The following MORN1 variants were observed in gnomAD, a reference collection of about 807,000 sequenced individuals.
MORN1 encodes MORN repeat-containing protein 1.
MORN1 carries 67 observed loss-of-function variants against 61.9 expected under a neutral mutation model. That is an observed-to-expected ratio of 1.08 (90% CI 0.89 to 1.33). The LOEUF (loss-of-function observed/expected upper bound fraction) is 1.33, where lower values mean the gene tolerates loss of function less well. Among genes scored for constraint, MORN1 ranks in the 40% most tolerant of loss-of-function variants. The pLI is 0.00. For synonymous variants in MORN1, 301 were observed against 292.0 expected, an observed-to-expected ratio of 1.03 and a Z score of -0.31; for missense variants, 752 against 691.2, an observed-to-expected ratio of 1.09 and a Z score of -0.99.
chr1:2,344,256 A>T (rs34901910), intron 10 of MORN1, among the ~76,000 whole-genome samples: 29,677 of 151,970 alleles, frequency 0.2, 3,193 homozygotes, highest in Non-Finnish European at 0.25. Flanking sequence ...GGCCAGGCAC[A>T]AGGGGCTGGC....
chr1:2,379,634 C>A (rs533815275), intron 6 of MORN1, among the ~76,000 whole-genome samples: 1 of 152,122 alleles, frequency 6.6e-6, no homozygotes, highest in Non-Finnish European at 1.5e-5. Context: ...AGACCGGGTG[C>A]GCAGTGGTGG....
At chr1:2,347,974 C>T (rs1219023488) in intron 10 of MORN1, among the ~76,000 whole-genome samples, 5 of 152,336 alleles carry the variant, frequency 3.3e-5, no homozygotes, top group South Asian at 2.1e-4. Flanking sequence ...TTTCGCCTCA[C>T]GTAACCCAGC....
intron 10 of MORN1, among the ~76,000 whole-genome samples, chr1:2,338,874 G>A (rs941382307): frequency 1.3e-5 from 2 of 152,130 alleles, no homozygotes; most frequent in Non-Finnish European, 2.9e-5. Flanking sequence ...AAAGGCTGTC[G>A]TGACTGTCCC....
At chr1:2,364,550 A>C (rs545997634) in intron 8 of MORN1, among the ~76,000 whole-genome samples, 170 of 149,572 alleles carry the variant, frequency 1.1e-3, no homozygotes, top group African/African-American at 4.0e-3. Flanking sequence ...GCTGTGCAGA[A>C]GCTCTTTAGT....
chr1:2,348,776 C>G (rs566103457), intron 10 of MORN1, among the ~76,000 whole-genome samples: 3 of 143,928 alleles, frequency 2.1e-5, no homozygotes, highest in South Asian at 2.1e-4. Context: ...TGCGCAGGCA[C>G]GCACACACAC....
Position 2,388,595 on chromosome 1 carries a change from C to T in MORN1, c.149-258G>A, listed in dbSNP as rs1044629063. 73 of 440,022 alleles carry T rather than the reference C, an allele frequency of 1.7e-4. 1 individual carries two copies. The Admixed American group carries it at 2.3e-3, about 14-fold the overall frequency. 27.3% of individuals were successfully genotyped at this position (440,022 alleles called of 1,614,324 possible). A position where few individuals can be genotyped will look rare whatever the true frequency, so the allele number is the denominator to read the frequency against. ...GTGCAGGCAGCCAGCCTGAGCAACA[C>T]GGAGAGACCCCGTCTCTACACAAAA... On this transcript the variant is annotated intron_variant, in intron 2 of 13. Transcript: ENST00000378531.
At chr1:2,335,821 G>A (rs1028006457) in intron 12 of MORN1, among the ~76,000 whole-genome samples, 7 of 138,220 alleles carry the variant, frequency 5.1e-5, no homozygotes, top group Non-Finnish European at 8.8e-5. Flanking sequence ...GGGCCTCCTC[G>A]CCTCCATAGC....
At chr1:2,389,547 C>T (rs1291223497) in intron 2 of MORN1, among the ~76,000 whole-genome samples, 8 of 152,224 alleles carry the variant, frequency 5.3e-5, no homozygotes, top group Admixed American at 3.9e-4. Flanking sequence ...GGATTACAGG[C>T]GTGAGCCACT....
chr1:2,325,104 C>G (rs1640977026), intron 12 of MORN1, among the ~76,000 whole-genome samples: 1 of 121,590 alleles, frequency 8.2e-6, no homozygotes, highest in Admixed American at 7.9e-5. Context: ...TTTCTCTCCC[C>G]TTTCCTTCCC....
At position 2,374,443 on chromosome 1, in the gene MORN1, G is replaced by C. The variant is rs551696471; in HGVS notation, c.634+18C>G. ...ACAGTGGACCTCACAGTGCCCACAG[G>C]AAGGCAGGGACACCTACCTGCTGGG... On this transcript the variant is annotated intron_variant, in intron 7 of 13. Coordinates refer to ENST00000378531, the MANE Select transcript of MORN1 (RefSeq NM_024848.3). 6.4e-7 allele frequency: 1 copy of C among 1,564,866 alleles called. No individual in the cohort carries two copies. The highest frequency in any genetic ancestry group is 1.9e-5 in the Admixed American group (1 of 52,100).
chr1:2,327,025 G>C (rs1163264657), intron 12 of MORN1, among the ~76,000 whole-genome samples: 1 of 151,170 alleles, frequency 6.6e-6, no homozygotes, highest in Non-Finnish European at 1.5e-5. Flanking sequence ...CACACAGAAA[G>C]ACAGAAACGA....
In MORN1 at chr1:2,357,367, C is replaced by T; in HGVS notation, c.1036+65G>A. The T allele has an allele frequency of 3.9e-6, 6 of 1,520,088 alleles. No homozygotes were observed. The highest frequency in any genetic ancestry group is 1.8e-4 in the Middle Eastern group (1 of 5,502). The allele number at this position is 1,520,088 out of a possible 1,614,324, so 94.2% of individuals were successfully genotyped here. ...GCCTGGTTCTGGGTCCCCATGACCC[C>T]ACCCCCACCTTGACTGCTGGGCCTG... On this transcript the variant is annotated intron_variant, in intron 10 of 13. Transcript: ENST00000378531. The surrounding 1 kb of genome is among the most constrained non-coding windows in gnomAD (Gnocchi z 6.3).
chr1:2,352,448 G>C (rs1026445136), intron 10 of MORN1: 2 of 152,570 alleles, frequency 1.3e-5, no homozygotes, highest in Non-Finnish European at 2.9e-5. Context: ...AGTGTTGTTT[G>C]CTAAAAGTAG....
intron 8 of MORN1, chr1:2,363,743 TG>T (rs1346047584): frequency 1.5e-5 from 2 of 137,850 alleles, no homozygotes; most frequent in Non-Finnish European, 3.0e-5. Context: ...TCAGCCTGGG[TG>T]ACAGTGAGAC....
In MORN1 at chr1:2,387,481, C is replaced by G. The variant is rs1338552724; in HGVS notation, c.296G>C (p.Gly99Ala). The change falls in exon 4 of 14, where the codon GGC becomes GCC. Residue 99 changes from glycine (G) to alanine (A), a missense_variant. Gly to Ala is a moderately conservative substitution (Grantham distance 60). Coordinates refer to ENST00000378531, the MANE Select transcript of MORN1 (RefSeq NM_024848.3). ...QFVLGEPQGY[G>A]VMEYKAGGCY... ...TCCGCCGGCTTTGTACTCCATGACG[C>G]CGTAGCCTTGAGGCTCTCCCAGAAC... The G allele has an allele frequency of 6.2e-7, 1 of 1,613,628 alleles. No individual in the cohort carries two copies. The highest frequency in any genetic ancestry group is 8.5e-7 in the Non-Finnish European group (1 of 1,180,030).
intron 10 of MORN1, among the ~76,000 whole-genome samples, chr1:2,353,175 G>A (rs999529022): frequency 6.6e-6 from 1 of 152,194 alleles, no homozygotes; most frequent in African/African-American, 2.4e-5. Context: ...ACTGGGCCAG[G>A]GACAAATGTG....
At chr1:2,388,179 C>A (rs1481651364) in intron 3 of MORN1, 60 bp downstream of exon 3, 2 of 1,369,198 alleles carry the variant, frequency 1.5e-6, no homozygotes, top group Non-Finnish European at 2.1e-6. Context: ...ACTCGGCGGA[C>A]CAACTGAGCC....
At chr1:2,374,214 G>A (rs544554753) in intron 7 of MORN1, among the ~76,000 whole-genome samples, 22 of 152,344 alleles carry the variant, frequency 1.4e-4, no homozygotes, top group Non-Finnish European at 2.5e-4. Flanking sequence ...GGGGGACAGC[G>A]CAGCCATGAC....
At chr1:2,355,337 C>A in intron 10 of MORN1, 1 of 1,512,860 alleles carries the variant, frequency 6.6e-7, no homozygotes, top group Non-Finnish European at 8.9e-7. Flanking sequence ...TGGAGTGGCG[C>A]CGGGCCCTGC....
Sources: gnomAD v4.1 joint callset for allele counts (sites outside exome capture counted in the v4.1 genomes callset) on GRCh38, gnomAD v4.1.1 for gene constraint, Gnocchi (gnomAD v3.1) non-coding constraint, MANE v1.5 for transcripts, NCBI Gene and HGNC (gene_info 2026-07-23, HGNC 2026-07-21) for gene names.